The following OPHN1 variants were observed in gnomAD, a reference collection of about 807,000 sequenced individuals.
The protein encoded by OPHN1 is oligophrenin 1.
In OPHN1, 11 loss-of-function variants were observed where a neutral mutation model predicts 60.7. The observed-to-expected ratio is 0.18, with a 90% CI of 0.11 to 0.30. The LOEUF (loss-of-function observed/expected upper bound fraction) is 0.30, where lower values mean the gene tolerates loss of function less well. Ranked by LOEUF, OPHN1 falls within the 10% of genes least tolerant of loss-of-function variation. The pLI, the probability that OPHN1 is intolerant of heterozygous loss-of-function variation, is 1.00. For synonymous variants in OPHN1, 226 were observed against 222.6 expected (o/e 1.02, Z -0.14); for missense variants, 449 against 611.0 (o/e 0.73, Z 2.80).
At chrX:68,048,029 G>A (rs2076837930) in intron 24 of OPHN1, among the ~76,000 whole-genome samples, 1 of 111,258 alleles carries the variant, frequency 9.0e-6, no homozygotes, top group Admixed American at 9.6e-5. Flanking sequence ...TTCCTTAAAG[G>A]CCCGAGAGGT....
chrX:68,166,793 C>T (rs1449616719), intron 15 of OPHN1, among the ~76,000 whole-genome samples: 1 of 111,750 alleles, frequency 8.9e-6, no homozygotes, highest in South Asian at 3.7e-4. Context: ...GGGGAAAGGA[C>T]AGTCTCTCCA....
At chrX:68,351,015 G>A (rs1384584207) in intron 2 of OPHN1, among the ~76,000 whole-genome samples, 6 of 111,329 alleles carry the variant, frequency 5.4e-5, no homozygotes, top group Non-Finnish European at 1.1e-4. Context: ...TGCAACTTCC[G>A]CCTCCCAGGT....
chrX:68,256,073 C>T (rs1457180448), intron 5 of OPHN1, among the ~76,000 whole-genome samples: 1 of 110,949 alleles, frequency 9.0e-6, no homozygotes, highest in African/African-American at 3.3e-5. Context: ...AAGGAAAGGA[C>T]CTGCTCACTG....
At chrX:68,420,617 G>A (rs185929599) in intron 2 of OPHN1, among the ~76,000 whole-genome samples, 1 of 110,611 alleles carries the variant, frequency 9.0e-6, no homozygotes, top group Non-Finnish European at 1.9e-5. Context: ...TATTATAGAA[G>A]GTCTGTCTCT....
rs773585397 is a variant in OPHN1, at chrX:68,111,240, T to C, written c.1526+614A>G. 5.3e-5 allele frequency among the ~76,000 whole-genome samples: 6 copies of C among 112,256 alleles called. No homozygotes were observed. The Admixed American group carries it at 5.6e-4, about 11-fold the overall frequency. The stretch of plus-strand genomic sequence containing the variant: ...TGGACAGAATGCTTTCCGCCTTTTT[T>C]AAGCCAAGTAAATTCATCTTGATTC... On this transcript the variant is annotated intron_variant, in intron 18 of 24. Coordinates refer to ENST00000355520, the MANE Select transcript of OPHN1 (RefSeq NM_002547.3).
At chrX:68,238,869 TAC>T (rs2147529571) in intron 5 of OPHN1, among the ~76,000 whole-genome samples, 1 of 111,367 alleles carries the variant, frequency 9.0e-6, no homozygotes, top group African/African-American at 3.3e-5. Flanking sequence ...GGGCGTGCGT[TAC>T]AGTGTGCTCT....
rs1491462964 is a variant in OPHN1 at position 68,341,969 on chromosome X, T to TG, written c.155-42874_155-42873insC. 2.8e-5 allele frequency among the ~76,000 whole-genome samples: 2 copies of TG among 72,106 alleles called. 1 individual carries two copies. The highest frequency in any genetic ancestry group is 2.7e-4 in the Admixed American group (2 of 7,528). 62.6% of individuals were successfully genotyped at this position (72,106 alleles called of 115,157 possible). ...AATGAAAAAAAGTTAATTTTTGGTG[T>TG]TTTTTTTTTTTTTTTTTTGAGACAC... is the stretch of plus-strand genomic sequence containing the variant. On this transcript the variant is annotated intron_variant, in intron 2 of 24. Coordinates refer to ENST00000355520, the MANE Select transcript of OPHN1 (RefSeq NM_002547.3).
chrX:68,104,029 CAGAA>C (rs1229102565), intron 18 of OPHN1, among the ~76,000 whole-genome samples: 1 of 111,561 alleles, frequency 9.0e-6, no homozygotes, highest in African/African-American at 3.3e-5. Context: ...ACACCAATAA[CAGAA>C]AGCCAAATCA....
chrX:68,377,090 C>T (rs1408704979), intron 2 of OPHN1, among the ~76,000 whole-genome samples: 1 of 98,795 alleles, frequency 1.0e-5, no homozygotes, highest in East Asian at 3.2e-4. Flanking sequence ...CCAACACATG[C>T]AGCTAATTTT....
chrX:68,376,930 CT>C (rs34240021), intron 2 of OPHN1, among the ~76,000 whole-genome samples: 1,686 of 90,032 alleles, frequency 0.019, 26 homozygotes, highest in African/African-American at 0.065. Flanking sequence ...CTCAAGTAAT[CT>C]TTTTTTTTTT....
At chrX:68,076,899 C>G (rs1362586230) in intron 19 of OPHN1, among the ~76,000 whole-genome samples, 1 of 111,351 alleles carries the variant, frequency 9.0e-6, no homozygotes, top group Non-Finnish European at 1.9e-5. Context: ...GAAGCCAGAC[C>G]AAAAGAAAAG....
chrX:68,333,943 C>G (rs67427778), intron 2 of OPHN1, among the ~76,000 whole-genome samples: 8,368 of 104,287 alleles, frequency 0.08, 909 homozygotes, highest in African/African-American at 0.28. Context: ...TCTGTCCCCA[C>G]GCTGGAATGC....
intron 2 of OPHN1, among the ~76,000 whole-genome samples, chrX:68,310,015 G>T (rs2078165318): frequency 8.9e-6 from 1 of 112,025 alleles, no homozygotes; most frequent in Admixed American, 9.5e-5. Flanking sequence ...ACAGAAACCA[G>T]GTAAAACAAG....
intron 10 of OPHN1, among the ~76,000 whole-genome samples, chrX:68,205,218 C>T (rs778437775): frequency 1.8e-5 from 2 of 111,035 alleles, no homozygotes; most frequent in African/African-American, 6.5e-5. Flanking sequence ...GAGGCCAAGG[C>T]GGGAGGATCA....
At chrX:68,223,781 A>G (rs1335628586) in intron 6 of OPHN1, among the ~76,000 whole-genome samples, 1 of 111,835 alleles carries the variant, frequency 8.9e-6, no homozygotes, top group Non-Finnish European at 1.9e-5. Flanking sequence ...TAATCAAAAG[A>G]ATGCTAGAGT....
intron 15 of OPHN1, among the ~76,000 whole-genome samples, chrX:68,142,441 T>C (rs1569224531): frequency 8.9e-6 from 1 of 112,222 alleles, no homozygotes; most frequent in Non-Finnish European, 1.9e-5. Context: ...GATATTCTGT[T>C]AGTAAACAGC....
intron 19 of OPHN1, among the ~76,000 whole-genome samples, chrX:68,079,200 T>C (rs1015753188): frequency 9.1e-6 from 1 of 110,350 alleles, no homozygotes; most frequent in Non-Finnish European, 1.9e-5. Flanking sequence ...ATCTCCTTTC[T>C]TACAATACTG....
chrX:68,350,493 T>C (rs1215086409), intron 2 of OPHN1, among the ~76,000 whole-genome samples: 1 of 77,210 alleles, frequency 1.3e-5, no homozygotes, highest in African/African-American at 4.9e-5. Context: ...CCTTCCTCCC[T>C]TCCTCCTTTC....
intron 5 of OPHN1, among the ~76,000 whole-genome samples, chrX:68,236,232 C>G (rs2077752381): frequency 9.0e-6 from 1 of 111,145 alleles, no homozygotes; most frequent in African/African-American, 3.3e-5. Context: ...CATTTTCACA[C>G]AAAACATAGG....
Sources: gnomAD v4.1 joint callset for allele counts (sites outside exome capture counted in the v4.1 genomes callset) on GRCh38, gnomAD v4.1.1 for gene constraint, MANE v1.5 for transcripts, NCBI Gene and HGNC (gene_info 2026-07-23, HGNC 2026-07-21) for gene names.